Variants in STYK1 observed in about 807,000 individuals in gnomAD.
STYK1 encodes STY kinase 1, also known as tyrosine-protein kinase STYK1.
STYK1 carries 46 observed loss-of-function variants against 48.1 expected under a neutral mutation model. The observed-to-expected ratio is 0.96, with a 90% confidence interval of 0.75 to 1.22. The LOEUF (loss-of-function observed/expected upper bound fraction) is 1.22, where lower values mean the gene tolerates loss of function less well. STYK1 is among the 50% of genes most tolerant of loss of function. The probability of loss-of-function intolerance (pLI) is 0.00; values close to 1 mark genes in which losing one functional copy is unlikely to be tolerated. For synonymous variants in STYK1, 188 were observed against 189.0 expected (o/e 0.99, Z 0.04); for missense variants, 527 against 521.1 (o/e 1.01, Z -0.11).
At chr12:10,661,266 A>C (rs947736992) in intron 1 of STYK1, among the ~76,000 whole-genome samples, 2 of 152,208 alleles carry the variant, frequency 1.3e-5, no homozygotes, top group African/African-American at 4.8e-5. Flanking sequence ...AAGTGCTGTT[A>C]ACCATTCCTT....
rs929319401 is a variant in STYK1, at chr12:10,668,638, G to A, written c.-195+5328C>T. On this transcript the variant is annotated intron_variant, in intron 1 of 10. Coordinates refer to ENST00000075503, the MANE Select transcript of STYK1 (RefSeq NM_018423.3). ...TCGAACTCCTGACCTCAGGTGATCC[G>A]CCCGCCTCAGCCTCCCAAAGTGTTG... 5.0e-4 allele frequency among the ~76,000 whole-genome samples: 68 copies of A among 136,342 alleles called. 1 individual carries two copies. The highest frequency in any genetic ancestry group is 7.4e-4 in the South Asian group (3 of 4,078). The allele number at this position is 136,342 out of a possible 152,430, so 89.4% of individuals were successfully genotyped here.
Position 10,619,771 on chromosome 12 carries a change from A to C in STYK1, c.*373T>G. ...TATTGGATTTCTATTCCTTCATTTCATTCCAAATTTTCATCTAGATAAAAA... is the reference window on the plus strand; with the variant it reads ...TATTGGATTTCTATTCCTTCATTTCCTTCCAAATTTTCATCTAGATAAAAA... On this transcript the variant is annotated 3_prime_UTR_variant, in exon 11 of 11. Transcript: ENST00000075503. 2.5e-6 allele frequency: 1 copy of C among 397,576 alleles called. No homozygotes were observed. Among genetic ancestry groups the C allele is most frequent in the East Asian group, 3.7e-5 (1 of 27,182 alleles). 24.6% of individuals were successfully genotyped at this position (397,576 alleles called of 1,614,324 possible). A position where few individuals can be genotyped will look rare whatever the true frequency, so the allele number is the denominator to read the frequency against.
chr12:10,643,477 T>C (rs1228661393), intron 1 of STYK1, among the ~76,000 whole-genome samples: 1 of 152,238 alleles, frequency 6.6e-6, no homozygotes, highest in African/African-American at 2.4e-5. Context: ...ACAGCTCTAC[T>C]TCTTCCACTT....
chr12:10,668,638 G>T (rs929319401), intron 1 of STYK1, among the ~76,000 whole-genome samples: 1 of 136,266 alleles, frequency 7.3e-6, no homozygotes, highest in African/African-American at 2.7e-5. Flanking sequence ...CAGGTGATCC[G>T]CCCGCCTCAG....
In STYK1 at chr12:10,631,134, C is replaced by A; in HGVS notation, c.362G>T (p.Cys121Phe). Residue 121 changes from cysteine to phenylalanine, a missense_variant, in exon 5 of 11, where the codon TGC becomes TTC. By Grantham distance (205) the Cys-to-Phe change is radical. Coordinates refer to ENST00000075503, the MANE Select transcript of STYK1 (RefSeq NM_018423.3). Reference protein sequence around the residue: ...EQLSEVLEQICSGSCGPIFRA... With the variant: ...EQLSEVLEQIFSGSCGPIFRA... The stretch of plus-strand genomic sequence containing the variant: ...AAAGATGGGCCCACAGCTACCACTG[C>A]AAATCTGCTCCAGAACTTCAGAGAG... 2 of 1,614,224 alleles carry A rather than the reference C, an allele frequency of 1.2e-6. No homozygotes were observed. The highest frequency in any genetic ancestry group is 1.7e-6 in the Non-Finnish European group (2 of 1,180,046).
At chr12:10,641,326 C>T (rs1459369504) in intron 1 of STYK1, among the ~76,000 whole-genome samples, 1 of 152,206 alleles carries the variant, frequency 6.6e-6, no homozygotes, top group Non-Finnish European at 1.5e-5. Flanking sequence ...CCTTGCATTT[C>T]CAAGGATCAG....
intron 6 of STYK1, 124 bp downstream of exon 6, chr12:10,629,369 C>T (rs12304656): frequency 1.0e-6 from 1 of 973,328 alleles, no homozygotes; most frequent in Non-Finnish European, 1.5e-6. Context: ...TGGTCATACT[C>T]CCTTATTCTG....
intron 7 of STYK1, among the ~76,000 whole-genome samples, chr12:10,626,637 A>G (rs1947361580): frequency 6.6e-6 from 1 of 152,188 alleles, no homozygotes; most frequent in Non-Finnish European, 1.5e-5. Flanking sequence ...AAATAGACAT[A>G]TAAACTTCCT....
intron 2 of STYK1, among the ~76,000 whole-genome samples, chr12:10,636,618 T>C (rs998724851): frequency 1.3e-5 from 2 of 152,196 alleles, no homozygotes; most frequent in East Asian, 3.8e-4. Context: ...AATAAAACGT[T>C]GGATCAGCAC....
chr12:10,625,350 T>TG (rs1283065743), intron 7 of STYK1, among the ~76,000 whole-genome samples: 1 of 152,166 alleles, frequency 6.6e-6, no homozygotes, highest in Non-Finnish European at 1.5e-5. Flanking sequence ...CCCAAGTAGC[T>TG]GGGACTACAG....
At chr12:10,646,689 G>A (rs1163572653) in intron 1 of STYK1, among the ~76,000 whole-genome samples, 1 of 152,200 alleles carries the variant, frequency 6.6e-6, no homozygotes, top group South Asian at 2.1e-4. Context: ...TGTCTCCAGG[G>A]CATGTCAGAG....
chr12:10,626,334 C>T (rs1947358610), intron 7 of STYK1, among the ~76,000 whole-genome samples: 1 of 152,112 alleles, frequency 6.6e-6, no homozygotes, highest in South Asian at 2.1e-4. Context: ...TAGGCTGTAT[C>T]CTGACACTCT....
chr12:10,624,916 A>G, intron 7 of STYK1, 57 bp from the exon 8 acceptor site: 1 of 1,500,348 alleles, frequency 6.7e-7, no homozygotes, highest in South Asian at 1.1e-5. Flanking sequence ...TGGGTCACAG[A>G]CAAGGAGAGG....
chr12:10,670,992 T>C (rs994598576), intron 1 of STYK1, among the ~76,000 whole-genome samples: 1 of 118,108 alleles, frequency 8.5e-6, no homozygotes, highest in Non-Finnish European at 1.8e-5. Flanking sequence ...TATGAATATA[T>C]TGATTTTTTT....
At chr12:10,660,330 C>T (rs1343033402) in intron 1 of STYK1, among the ~76,000 whole-genome samples, 1 of 152,194 alleles carries the variant, frequency 6.6e-6, no homozygotes, top group East Asian at 1.9e-4. Context: ...CCAAGCTTCT[C>T]TCTACCCTGA....
chr12:10,663,598 CAAAAAAAAAAAAAAAAAAAA>C lies in STYK1; in HGVS notation c.-195+10348_-195+10367del, dbSNP rs34019110. Among the ~76,000 whole-genome samples the C allele has an allele frequency of 3.5e-4, 18 of 51,486 alleles. 1 individual carries two copies. Among genetic ancestry groups the C allele is most frequent in the African/African-American group, 1.0e-3 (15 of 14,654 alleles). The allele number at this position is 51,486 out of a possible 152,430, so 33.8% of individuals were successfully genotyped here. ...TGGGCGACAGAACGAGACTCTGTCT[CAAAAAAAAAAAAAAAAAAAA>C]AAAAAAAAAAAAAAAAAAATCATTA... On this transcript the variant is annotated intron_variant, in intron 1 of 10. Coordinates refer to ENST00000075503, the MANE Select transcript of STYK1 (RefSeq NM_018423.3).
At chr12:10,653,063 C>T (rs1947679051) in intron 1 of STYK1, among the ~76,000 whole-genome samples, 1 of 151,966 alleles carries the variant, frequency 6.6e-6, no homozygotes, top group African/African-American at 2.4e-5. Flanking sequence ...AGTCAATTAA[C>T]ATATCTTTTC....
intron 1 of STYK1, among the ~76,000 whole-genome samples, chr12:10,648,490 G>T (rs972469030): frequency 6.6e-6 from 1 of 151,884 alleles, no homozygotes; most frequent in Non-Finnish European, 1.5e-5. Context: ...GAAACAAAAT[G>T]TTTAACAAAT....
At chr12:10,668,078 G>C (rs1947851334) in intron 1 of STYK1, among the ~76,000 whole-genome samples, 1 of 151,894 alleles carries the variant, frequency 6.6e-6, no homozygotes, top group South Asian at 2.1e-4. Context: ...TATTATTCTG[G>C]TTAGAAATCT....
Sources: gnomAD v4.1 joint callset for allele counts (sites outside exome capture counted in the v4.1 genomes callset) on GRCh38, gnomAD v4.1.1 for gene constraint, MANE v1.5 for transcripts, NCBI Gene and HGNC (gene_info 2026-07-23, HGNC 2026-07-21) for gene names.